The following BORCS5 variants were observed in gnomAD, a reference collection of about 807,000 sequenced individuals.
BORCS5 encodes the protein BLOC-1 related complex subunit 5.
Under a neutral mutation model 22.1 loss-of-function variants are expected in BORCS5, and 17 were observed. The ratio of observed to expected loss-of-function variants is 0.77; its 90% CI spans 0.53 to 1.15. The LOEUF is 1.15. Among genes scored for constraint, BORCS5 ranks in the 50% most tolerant of loss-of-function variants. The pLI, the probability that BORCS5 is intolerant of heterozygous loss-of-function variation, is 0.00. For synonymous variants in BORCS5, 117 were observed against 99.8 expected, an observed-to-expected ratio of 1.17 and a Z score of -1.03; for missense variants, 247 against 253.2, an observed-to-expected ratio of 0.98 and a Z score of 0.17.
intron 2 of BORCS5, among the ~76,000 whole-genome samples, chr12:12,399,689 A>C (rs935931834): frequency 1.3e-5 from 2 of 152,176 alleles, no homozygotes; most frequent in African/African-American, 2.4e-5. Flanking sequence ...ACCTTCACAT[A>C]CATGTTGAAT....
At chr12:12,438,647 A>G (rs993640736) in intron 3 of BORCS5, among the ~76,000 whole-genome samples, 4 of 152,294 alleles carry the variant, frequency 2.6e-5, no homozygotes, top group Middle Eastern at 6.8e-3. Flanking sequence ...ACTGAAGAAG[A>G]CAGGGTAAAA....
intron 3 of BORCS5, among the ~76,000 whole-genome samples, chr12:12,449,995 G>A (rs1191661041): frequency 6.6e-6 from 1 of 152,220 alleles, no homozygotes; most frequent in African/African-American, 2.4e-5. Flanking sequence ...ATTAATGATA[G>A]ATTTTTATTT....
At chr12:12,421,255 A>G (rs1184827638) in intron 2 of BORCS5, among the ~76,000 whole-genome samples, 4 of 152,142 alleles carry the variant, frequency 2.6e-5, no homozygotes, top group South Asian at 2.1e-4. Context: ...AGTTTTTAGC[A>G]TGAAGCGCTG....
At chr12:12,464,300 A>G (rs1943161423) in intron 3 of BORCS5, among the ~76,000 whole-genome samples, 1 of 151,444 alleles carries the variant, frequency 6.6e-6, no homozygotes, top group African/African-American at 2.4e-5. Flanking sequence ...GGACAGCAAC[A>G]CTGATGTGCT....
At chr12:12,421,968 G>C (rs1422497980) in intron 2 of BORCS5, among the ~76,000 whole-genome samples, 1 of 151,958 alleles carries the variant, frequency 6.6e-6, no homozygotes, top group Admixed American at 6.6e-5. Context: ...CTTGCTAGTG[G>C]TTTATCAATT....
chr12:12,360,688 GC>G (rs1863261904), intron 1 of BORCS5, among the ~76,000 whole-genome samples: 1 of 150,178 alleles, frequency 6.7e-6, no homozygotes, highest in Non-Finnish European at 1.5e-5. Flanking sequence ...GAGATTACAG[GC>G]ATGAGCCACC....
chr12:12,387,591 A>G lies in BORCS5; in HGVS notation c.202+26242A>G, dbSNP rs529493024. 1.8e-4 allele frequency among the ~76,000 whole-genome samples: 28 copies of G among 151,602 alleles called. 1 individual carries two copies. Among genetic ancestry groups the G allele is most frequent in the South Asian group, 8.3e-4 (4 of 4,796 alleles). ...TTAGAGCATGACCCCCAGAATTGGC[A>G]TAGTGTTCCAGGTGTGGATTGGATC... On this transcript the variant is annotated intron_variant, in intron 2 of 3. Transcript: ENST00000314565.
intron 1 of BORCS5, among the ~76,000 whole-genome samples, chr12:12,360,567 A>ATTTTTTTTT (rs35965943): frequency 5.6e-5 from 5 of 89,228 alleles, no homozygotes; most frequent in Non-Finnish European, 1.0e-4. Context: ...ATTAAAAGAA[A>ATTTTTTTTT]TTTTTTTTTT....
chr12:12,407,238 T>G (rs1050447003), intron 2 of BORCS5, among the ~76,000 whole-genome samples: 2 of 152,224 alleles, frequency 1.3e-5, no homozygotes, highest in African/African-American at 4.8e-5. Flanking sequence ...GAAGAATCCT[T>G]CATCCCCCTT....
intron 2 of BORCS5, among the ~76,000 whole-genome samples, chr12:12,362,636 CTTTTTT>C (rs71436712): frequency 1.7e-4 from 10 of 57,588 alleles, no homozygotes; most frequent in Admixed American, 6.1e-4. Flanking sequence ...TGTTACTCAT[CTTTTTT>C]TTTTTTTTTT....
intron 3 of BORCS5, among the ~76,000 whole-genome samples, chr12:12,457,595 G>A (rs950732661): frequency 6.7e-6 from 1 of 148,230 alleles, no homozygotes; most frequent in African/African-American, 2.6e-5. Context: ...CGTGAACCCC[G>A]GGGGGCAGAG....
rs146025445 is a variant in BORCS5, at chr12:12,381,838, G to A, written c.202+20489G>A. Among the ~76,000 whole-genome samples, 173 of 151,456 alleles carry A rather than the reference G, an allele frequency of 1.1e-3. 5 individuals carry two copies. The highest frequency in any genetic ancestry group is 4.1e-3 in the African/African-American group (168 of 41,328). On this transcript the variant is annotated intron_variant, in intron 2 of 3. Coordinates refer to ENST00000314565, the MANE Select transcript of BORCS5 (RefSeq NM_058169.6). The stretch of plus-strand genomic sequence containing the variant: ...AGTTTTGTATATTCTTACTGATTTT[G>A]TCTTTAGTTTTATCAATTGAGAGTG...
chr12:12,386,530 G>C (rs984891656), intron 2 of BORCS5, among the ~76,000 whole-genome samples: 4 of 148,896 alleles, frequency 2.7e-5, no homozygotes, highest in African/African-American at 1.0e-4. Flanking sequence ...AGGCTCTAGT[G>C]CAGTGTTATG....
chr12:12,424,645 A>G (rs1942232539), intron 2 of BORCS5, among the ~76,000 whole-genome samples: 1 of 151,690 alleles, frequency 6.6e-6, no homozygotes, highest in South Asian at 2.1e-4. Flanking sequence ...AAATCCAGTA[A>G]TATGGTAACT....
rs1204154107 is a variant in BORCS5, at chr12:12,410,035, G to A, written c.203-25593G>A. Among the ~76,000 whole-genome samples, 14 of 152,268 alleles carry A rather than the reference G, an allele frequency of 9.2e-5. No individual in the cohort carries two copies. The East Asian group carries it at 2.5e-3, about 27-fold the overall frequency. Reference sequence around the variant, plus strand: ...TGGCTGCATAAATGTCTTCTTTTGAGAAGTGTCTGTTCATATCCTTCACCC... The same window carrying A: ...TGGCTGCATAAATGTCTTCTTTTGAAAAGTGTCTGTTCATATCCTTCACCC... On this transcript the variant is annotated intron_variant, in intron 2 of 3. Transcript: ENST00000314565.
Position 12,467,710 on chromosome 12 carries a change from C to T in BORCS5, c.*1934C>T, listed in dbSNP as rs1943225734. On this transcript the variant is annotated 3_prime_UTR_variant, in exon 4 of 4. Transcript: ENST00000314565. The stretch of plus-strand genomic sequence containing the variant: ...GTGTCGTGAACTTGGCTAAACTGAA[C>T]TGTGTTCCCAGAATTCCCTTCCTTG... The T allele has an allele frequency of 6.6e-6, 1 of 152,272 alleles. No individual in the cohort carries two copies. Among genetic ancestry groups the T allele is most frequent in the Admixed American group, 6.5e-5 (1 of 15,284 alleles). The allele number at this position is 152,272 out of a possible 1,614,324, so 9.4% of individuals were successfully genotyped here.
At chr12:12,447,135 C>A (rs61913534) in intron 3 of BORCS5, among the ~76,000 whole-genome samples, 5,745 of 152,266 alleles carry the variant, frequency 0.038, 148 homozygotes, top group Middle Eastern at 0.075. Flanking sequence ...CTGTCACTCA[C>A]CTGCCTCTCC....
intron 2 of BORCS5, among the ~76,000 whole-genome samples, chr12:12,430,701 CCT>C (rs1221063814): frequency 3.3e-5 from 5 of 152,024 alleles, no homozygotes; most frequent in Non-Finnish European, 7.4e-5. Flanking sequence ...TGAAATTCCC[CCT>C]CTTTACCCCT....
chr12:12,444,511 G>A (rs1225421080), intron 3 of BORCS5, among the ~76,000 whole-genome samples: 6 of 152,132 alleles, frequency 3.9e-5, no homozygotes, highest in Admixed American at 6.5e-5. Flanking sequence ...CTATGACTTC[G>A]GCTAGAACTC....
Sources: allele counts gnomAD v4.1 joint callset (sites outside exome capture counted in the v4.1 genomes callset), GRCh38; gene constraint gnomAD v4.1.1; transcripts MANE v1.5; gene names NCBI Gene and HGNC (gene_info 2026-07-23, HGNC 2026-07-21).